The following SDK1 variants were observed in gnomAD, a reference collection of about 807,000 sequenced individuals.
SDK1 encodes the protein sidekick cell adhesion molecule 1.
A neutral mutation model predicts 245.5 loss-of-function variants in SDK1; 157 were observed. That is an observed-to-expected ratio of 0.64 (90% confidence interval 0.56 to 0.73). SDK1 has a LOEUF of 0.73. Among genes scored for constraint, SDK1 ranks in the 30% least tolerant of loss-of-function variants. SDK1 has a pLI of 0.00. For synonymous variants in SDK1, 1,647 were observed against 1,278.5 expected (o/e 1.29, Z -6.15); for missense variants, 3,583 against 3,002.3 (o/e 1.19, Z -4.52).
At chr7:3,403,490 G>A (rs1019270642) in intron 1 of SDK1, among the ~76,000 whole-genome samples, 2 of 151,888 alleles carry the variant, frequency 1.3e-5, no homozygotes, top group Non-Finnish European at 2.9e-5. Context: ...ATGAAAAACA[G>A]GTCTTTTTGT....
intron 1 of SDK1, among the ~76,000 whole-genome samples, chr7:3,364,909 C>G (rs1395573199): frequency 3.9e-5 from 6 of 152,136 alleles, no homozygotes; most frequent in Admixed American, 3.9e-4. Flanking sequence ...CATGGTATGT[C>G]TCACCATTTG....
chr7:3,987,443 T>C (rs1007302270), intron 14 of SDK1, 121 bp downstream of exon 14: 24 of 1,050,778 alleles, frequency 2.3e-5, no homozygotes, highest in Non-Finnish European at 3.2e-5. Context: ...CTGTAATGCT[T>C]TACAGGGTTT....
At chr7:3,812,955 T>G (rs1273302882) in intron 4 of SDK1, among the ~76,000 whole-genome samples, 1 of 152,210 alleles carries the variant, frequency 6.6e-6, no homozygotes, top group East Asian at 1.9e-4. Flanking sequence ...CTTTTGCTTT[T>G]AAGATGTTTT....
intron 1 of SDK1, among the ~76,000 whole-genome samples, chr7:3,345,372 C>T (rs929944609): frequency 1.2e-4 from 18 of 151,956 alleles, no homozygotes; most frequent in African/African-American, 2.2e-4. Context: ...TTAATATAAA[C>T]GTAGTATGTC....
chr7:3,384,109 T>C (rs1399273555), intron 1 of SDK1, among the ~76,000 whole-genome samples: 2 of 152,204 alleles, frequency 1.3e-5, no homozygotes, highest in African/African-American at 4.8e-5. Flanking sequence ...GTTATCACTG[T>C]ATTTATTTGA....
At chr7:4,180,284 T>TCTATGCCCTGTACCCGGCTCC (rs1562398579) in intron 35 of SDK1, among the ~76,000 whole-genome samples, 7 of 112,808 alleles carry the variant, frequency 6.2e-5, no homozygotes, top group African/African-American at 2.3e-4. Context: ...TACCCGGCTC[T>TCTATGCCCTGTACCCGGCTCC]AGCTCTATGC....
intron 13 of SDK1, among the ~76,000 whole-genome samples, chr7:3,980,166 T>C (rs969389121): frequency 6.6e-6 from 1 of 152,248 alleles, no homozygotes; most frequent in African/African-American, 2.4e-5. Flanking sequence ...AAAGTACTTA[T>C]CTGATCCTCT....
chr7:4,186,579 T>C (rs1177026949), intron 35 of SDK1, among the ~76,000 whole-genome samples: 2 of 152,146 alleles, frequency 1.3e-5, no homozygotes, highest in East Asian at 1.9e-4. Flanking sequence ...ACTGATGGTT[T>C]AGGTCACTCG....
chr7:3,853,975 A>G (rs1034570502), intron 5 of SDK1, among the ~76,000 whole-genome samples: 1 of 152,154 alleles, frequency 6.6e-6, no homozygotes, highest in African/African-American at 2.4e-5. Context: ...TCAACAGAGC[A>G]AGACTCCGTC....
intron 1 of SDK1, among the ~76,000 whole-genome samples, chr7:3,575,976 G>A (rs894062168): frequency 6.6e-6 from 1 of 151,984 alleles, no homozygotes; most frequent in African/African-American, 2.4e-5. Context: ...GTGATTGAAT[G>A]GGCTTTCTGC....
chr7:3,584,016 A>G (rs1780602149), intron 1 of SDK1, among the ~76,000 whole-genome samples: 1 of 152,144 alleles, frequency 6.6e-6, no homozygotes, highest in African/African-American at 2.4e-5. Flanking sequence ...TCTGGGAGGG[A>G]ACGGAATGCC....
chr7:4,186,215 C>G (rs568846121), intron 35 of SDK1, among the ~76,000 whole-genome samples: 1 of 152,188 alleles, frequency 6.6e-6, no homozygotes, highest in African/African-American at 2.4e-5. Flanking sequence ...CCAGATGTGT[C>G]GTGGGGACAC....
chr7:3,448,005 A>G (rs548694257), intron 1 of SDK1, among the ~76,000 whole-genome samples: 5 of 152,190 alleles, frequency 3.3e-5, no homozygotes, highest in East Asian at 1.9e-4. Flanking sequence ...CACCCGGCCT[A>G]TATATCTTTA....
chr7:3,859,924 T>A (rs1481075032), intron 5 of SDK1, among the ~76,000 whole-genome samples: 9 of 127,048 alleles, frequency 7.1e-5, no homozygotes, highest in South Asian at 4.4e-4. Context: ...CTGATAGAAA[T>A]TTTTTTTTTT....
Position 4,026,457 on chromosome 7 carries a change from C to T in SDK1, c.2602+9105C>T, listed in dbSNP as rs1787353160. On this transcript the variant is annotated intron_variant, in intron 17 of 44. Transcript: ENST00000404826. The surrounding 1 kb of genome is among the most constrained non-coding windows in gnomAD (Gnocchi z 4.1). ...GACTTCAGAGTCAGACGACTGGCTT[C>T]ACGAGGGCCCGGTGTGCAGACAGCC... Among the ~76,000 whole-genome samples the T allele has an allele frequency of 6.6e-6, 1 of 152,226 alleles. No homozygotes were observed.
At chr7:3,603,620 G>A (rs1435876849) in intron 1 of SDK1, among the ~76,000 whole-genome samples, 17 of 152,134 alleles carry the variant, frequency 1.1e-4, no homozygotes, top group South Asian at 4.2e-4. Context: ...CAATCATGTC[G>A]TCTGCAAACA....
At chr7:3,313,924 G>C (rs1021061565) in intron 1 of SDK1, among the ~76,000 whole-genome samples, 3 of 152,078 alleles carry the variant, frequency 2.0e-5, no homozygotes, top group African/African-American at 7.2e-5. Context: ...ACAAATTTTT[G>C]TCAAAATTTT....
At chr7:4,211,571 T>A (rs1275916216) in intron 38 of SDK1, among the ~76,000 whole-genome samples, 1 of 152,138 alleles carries the variant, frequency 6.6e-6, no homozygotes, top group Non-Finnish European at 1.5e-5. Context: ...CTGCACCTGC[T>A]GGGTCAGTGC....
intron 1 of SDK1, among the ~76,000 whole-genome samples, chr7:3,607,322 T>C (rs774863686): frequency 2.6e-5 from 4 of 152,222 alleles, no homozygotes; most frequent in African/African-American, 7.2e-5. Context: ...TTCTGTGTTA[T>C]ACAAATATCA....
Sources: allele counts gnomAD v4.1 joint callset (sites outside exome capture counted in the v4.1 genomes callset), GRCh38; gene constraint gnomAD v4.1.1; non-coding constraint Gnocchi (gnomAD v3.1); transcripts MANE v1.5; gene names NCBI Gene and HGNC (gene_info 2026-07-23, HGNC 2026-07-21).